MITF: variants seen among roughly 807,000 people sequenced by gnomAD.
MITF encodes the protein microphthalmia-associated transcription factor.
MITF carries 17 observed loss-of-function variants against 60.5 expected under a neutral mutation model. That is an observed-to-expected ratio of 0.28 (90% confidence interval 0.19 to 0.42). The LOEUF is 0.42. MITF is among the 10% of genes least tolerant of loss of function. The pLI, the probability that MITF is intolerant of heterozygous loss-of-function variation, is 1.00. For synonymous variants in MITF, 260 were observed against 248.5 expected (o/e 1.05, Z -0.43); for missense variants, 622 against 683.5 (o/e 0.91, Z 1.00).
chr3:69,833,716 ACACTGTATG>A (rs1559660575), intron 1 of MITF, among the ~76,000 whole-genome samples: 1,572 of 144,744 alleles, frequency 0.011, 32 homozygotes, highest in African/African-American at 0.037. Context: ...TTCTCTGTTT[ACACTGTATG>A]TGCTTTTTTC....
intron 2 of MITF, among the ~76,000 whole-genome samples, chr3:69,885,166 C>G (rs572528897): frequency 6.6e-6 from 1 of 152,204 alleles, no homozygotes; most frequent in South Asian, 2.1e-4. Flanking sequence ...TAATGAAATG[C>G]TGGCAGATAC....
chr3:69,806,342 TC>T (rs966302147), intron 1 of MITF, among the ~76,000 whole-genome samples: 1 of 152,110 alleles, frequency 6.6e-6, no homozygotes, highest in African/African-American at 2.4e-5. Context: ...TGCCTTGGCC[TC>T]CCAAAGTGCT....
intron 9 of MITF, among the ~76,000 whole-genome samples, chr3:69,960,611 C>G (rs577774075): frequency 7.1e-4 from 108 of 152,150 alleles, no homozygotes; most frequent in Non-Finnish European, 1.4e-3. Context: ...GACACCATAT[C>G]TTCTTCTTGA....
chr3:69,806,002 C>CT (rs2062999686), intron 1 of MITF, among the ~76,000 whole-genome samples: 1 of 152,032 alleles, frequency 6.6e-6, no homozygotes, highest in Non-Finnish European at 1.5e-5. Flanking sequence ...GCTGTTATGA[C>CT]TTAGTCCATT....
At chr3:69,818,559 A>G (rs1290708370) in intron 1 of MITF, among the ~76,000 whole-genome samples, 1 of 152,170 alleles carries the variant, frequency 6.6e-6, no homozygotes, top group Non-Finnish European at 1.5e-5. Context: ...CCAGTCTTCA[A>G]TTTAAGCCCT....
intron 1 of MITF, among the ~76,000 whole-genome samples, chr3:69,817,819 T>G (rs2063205479): frequency 6.6e-6 from 1 of 152,160 alleles, no homozygotes; most frequent in African/African-American, 2.4e-5. Flanking sequence ...GAATTAAAAC[T>G]TTTGGCTCTA....
chr3:69,794,842 G>A (rs2062802716), intron 1 of MITF, among the ~76,000 whole-genome samples: 2 of 152,164 alleles, frequency 1.3e-5, no homozygotes, highest in South Asian at 2.1e-4. Context: ...TGAACTCCAC[G>A]GAAATGGAAT....
chr3:69,880,624 G>A (rs905022691), intron 2 of MITF, among the ~76,000 whole-genome samples: 1 of 151,968 alleles, frequency 6.6e-6, no homozygotes, highest in Non-Finnish European at 1.5e-5. Flanking sequence ...TCTCTCTGGA[G>A]TAGATGATGC....
At chr3:69,943,036 T>C (rs1162744008) in intron 5 of MITF, among the ~76,000 whole-genome samples, 1 of 151,914 alleles carries the variant, frequency 6.6e-6, no homozygotes, top group African/African-American at 2.4e-5. Flanking sequence ...TTTGATATCA[T>C]TTGGTCTAAC....
At chr3:69,745,038 A>G (rs1703669839) in intron 1 of MITF, among the ~76,000 whole-genome samples, 1 of 152,162 alleles carries the variant, frequency 6.6e-6, no homozygotes, top group Non-Finnish European at 1.5e-5. Flanking sequence ...TGAAATCTGC[A>G]TGAGGTGATC....
intron 1 of MITF, among the ~76,000 whole-genome samples, chr3:69,768,233 C>T (rs1041007568): frequency 6.6e-6 from 1 of 152,206 alleles, no homozygotes; most frequent in African/African-American, 2.4e-5. Context: ...AACATGTTCT[C>T]TGCTTTCTAT....
intron 1 of MITF, among the ~76,000 whole-genome samples, chr3:69,790,317 TA>T (rs1322670324): frequency 1.3e-5 from 2 of 152,116 alleles, no homozygotes; most frequent in East Asian, 3.9e-4. Flanking sequence ...TGGTGGTTGC[TA>T]GGGGGAGGGG....
intron 1 of MITF, among the ~76,000 whole-genome samples, chr3:69,868,788 A>G (rs1053718784): frequency 2.0e-5 from 3 of 151,890 alleles, no homozygotes; most frequent in Non-Finnish European, 4.4e-5. Flanking sequence ...AAACCCAGCT[A>G]CTATGGAGGC....
At chr3:69,913,615 A>G (rs1462587829) in intron 2 of MITF, among the ~76,000 whole-genome samples, 1 of 152,214 alleles carries the variant, frequency 6.6e-6, no homozygotes, top group African/African-American at 2.4e-5. Flanking sequence ...GATTGACTGC[A>G]TCTCATTTAT....
chr3:69,777,113 G>A (rs2062486905), intron 1 of MITF, among the ~76,000 whole-genome samples: 1 of 152,066 alleles, frequency 6.6e-6, no homozygotes, highest in Non-Finnish European at 1.5e-5. Context: ...GTCAGTGTTG[G>A]GTGGACAGTT....
intron 2 of MITF, among the ~76,000 whole-genome samples, chr3:69,926,634 C>T (rs891491271): frequency 6.6e-6 from 1 of 152,134 alleles, no homozygotes; most frequent in Admixed American, 6.6e-5. Context: ...AAAGTTCTAG[C>T]ATGTGGAATG....
chr3:69,752,025 C>T (rs1433868274), intron 1 of MITF: 2 of 152,292 alleles, frequency 1.3e-5, no homozygotes, highest in East Asian at 3.8e-4. Context: ...CTTTTGCCTT[C>T]TGCCATGATT....
intron 1 of MITF, among the ~76,000 whole-genome samples, chr3:69,741,937 G>C (rs1304963679): frequency 6.6e-6 from 1 of 152,182 alleles, no homozygotes; most frequent in Non-Finnish European, 1.5e-5. Context: ...GTCGGAAAAA[G>C]TTGAAATTGA....
chr3:69,921,076 G>A (rs1319268965), intron 2 of MITF, among the ~76,000 whole-genome samples: 3 of 152,174 alleles, frequency 2.0e-5, no homozygotes, highest in African/African-American at 7.2e-5. Flanking sequence ...CACCATGTTG[G>A]CCAGACACTG....
Sources: allele counts gnomAD v4.1 joint callset (sites outside exome capture counted in the v4.1 genomes callset), GRCh38; gene constraint gnomAD v4.1.1; transcripts MANE v1.5; gene names NCBI Gene and HGNC (gene_info 2026-07-23, HGNC 2026-07-21).